ESRRG: variants seen among roughly 807,000 people sequenced by gnomAD.
ESRRG encodes estrogen-related receptor gamma.
In ESRRG, 13 loss-of-function variants were observed where a neutral mutation model predicts 44.0. The observed-to-expected ratio is 0.30, with a 90% CI of 0.19 to 0.47. ESRRG has a LOEUF of 0.47. Among genes scored for constraint, ESRRG ranks in the 20% least tolerant of loss-of-function variants. ESRRG has a pLI of 1.00. For missense variants in ESRRG, 395 were observed against 580.6 expected (o/e 0.68, Z 3.29); for synonymous variants, 215 against 214.6 (o/e 1.00, Z -0.02).
In ESRRG at chr1:216,992,338, C is replaced by T. The variant is rs538019289; in HGVS notation, c.-105-52665G>A. ...ATCAAAGTTAACACTCAAATGCAAC[C>T]TGTTCTTAAACTCTCAGAGCCTTGT... On this transcript the variant is annotated intron_variant, in intron 1 of 7. Coordinates refer to the ESRRG transcript ENST00000359162. Among the ~76,000 whole-genome samples the T allele has an allele frequency of 2.0e-5, 3 of 152,282 alleles. No individual in the cohort carries two copies. The South Asian group carries it at 6.2e-4, about 32-fold the overall frequency.
chr1:216,662,638 T>C (rs1269409545), intron 2 of ESRRG, among the ~76,000 whole-genome samples: 1 of 151,886 alleles, frequency 6.6e-6, no homozygotes, highest in Non-Finnish European at 1.5e-5. Flanking sequence ...GGGGGGTTCC[T>C]GTTTGATGAT....
chr1:216,901,551 T>C (rs61818568), intron 2 of ESRRG, among the ~76,000 whole-genome samples: 1,719 of 152,142 alleles, frequency 0.011, 13 homozygotes, highest in Non-Finnish European at 0.017. Context: ...AAAGTTTTTC[T>C]GTAGGAACAA....
intron 3 of ESRRG, among the ~76,000 whole-genome samples, chr1:216,572,571 A>G (rs4846546): frequency 0.46 from 69,503 of 151,732 alleles, 16,278 homozygotes; most frequent in African/African-American, 0.55. Context: ...TTCCAGAAAA[A>G]AAAAATTTTA....
At chr1:216,879,074 C>T (rs1196940678) in intron 2 of ESRRG, among the ~76,000 whole-genome samples, 3 of 152,166 alleles carry the variant, frequency 2.0e-5, no homozygotes, top group Non-Finnish European at 4.4e-5. Flanking sequence ...TTTTAACCAA[C>T]AATTTGGCTT....
intron 2 of ESRRG, among the ~76,000 whole-genome samples, chr1:216,804,712 C>A (rs946669527): frequency 4.6e-5 from 7 of 151,924 alleles, no homozygotes; most frequent in Admixed American, 3.3e-4. Context: ...GCAAAAGGAT[C>A]ATTCCTTTGA....
intron 1 of ESRRG, among the ~76,000 whole-genome samples, chr1:216,701,085 C>T (rs987105526): frequency 6.6e-6 from 1 of 152,054 alleles, no homozygotes; most frequent in Non-Finnish European, 1.5e-5. Flanking sequence ...TTTGTACTTT[C>T]CTTCTAGTGC....
intron 2 of ESRRG, among the ~76,000 whole-genome samples, chr1:216,756,590 T>G (rs887084650): frequency 4.6e-5 from 7 of 151,972 alleles, no homozygotes; most frequent in Non-Finnish European, 1.0e-4. Context: ...AATTGAGAGA[T>G]AGCTCATTCT....
chr1:216,867,293 T>G (rs1034664047), intron 2 of ESRRG, among the ~76,000 whole-genome samples: 1 of 152,216 alleles, frequency 6.6e-6, no homozygotes, highest in Non-Finnish European at 1.5e-5. Flanking sequence ...AGAATTCTCC[T>G]TTTGCTTTGA....
At chr1:216,675,618 G>C (rs1455463403) in intron 2 of ESRRG, among the ~76,000 whole-genome samples, 1 of 152,122 alleles carries the variant, frequency 6.6e-6, no homozygotes, top group African/African-American at 2.4e-5. Context: ...CTAGAGCAGG[G>C]GGTCTAAATT....
Position 216,503,501 on chromosome 1 carries a change from T to TTTATTATTA in ESRRG, c.*3429_*3437dup, listed in dbSNP as rs11572841. The TTTATTATTA allele has an allele frequency of 6.6e-6, 1 of 152,002 alleles. No individual in the cohort carries two copies. The highest frequency in any genetic ancestry group is 2.4e-5 in the African/African-American group (1 of 41,138). 9.4% of individuals were successfully genotyped at this position (152,002 alleles called of 1,614,324 possible). On this transcript the variant is annotated 3_prime_UTR_variant, in exon 7 of 7. Coordinates refer to ENST00000408911, the MANE Select transcript of ESRRG (RefSeq NM_001438.4). ...GCCCATCTACAGCTATAGACATGGTTTTATTATTATTATTATTATTTTTAC... is the reference window on the plus strand; with the variant it reads ...GCCCATCTACAGCTATAGACATGGTTTTATTATTATTATTATTATTATTATTATTTTTAC...
chr1:216,623,743 A>T lies in ESRRG; in HGVS notation c.589+27230T>A, dbSNP rs141668119. 8.5e-5 allele frequency among the ~76,000 whole-genome samples: 13 copies of T among 152,344 alleles called. No homozygotes were observed. The East Asian group carries it at 2.3e-3, about 27-fold the overall frequency. On this transcript the variant is annotated intron_variant, in intron 3 of 6. Transcript: ENST00000408911. Reference sequence around the variant, plus strand: ...TCTAAATGGTGTTAAAGTTAATAATAACTAAATATGAAAAATATACTGAGG... The same window carrying T: ...TCTAAATGGTGTTAAAGTTAATAATTACTAAATATGAAAAATATACTGAGG...
chr1:216,519,044 C>T (rs2045264323), intron 6 of ESRRG, 108 bp downstream of exon 6: 2 of 912,410 alleles, frequency 2.2e-6, no homozygotes, highest in African/African-American at 1.7e-5. Context: ...TTTGCTGACT[C>T]ATACAAAATT....
chr1:216,576,380 T>C (rs17612472), intron 3 of ESRRG, among the ~76,000 whole-genome samples: 4,988 of 150,126 alleles, frequency 0.033, 119 homozygotes, highest in Middle Eastern at 0.062. Context: ...CTAAAAGAGA[T>C]AAAAGCCATG....
intron 1 of ESRRG, among the ~76,000 whole-genome samples, chr1:217,030,824 A>T (rs1474178700): frequency 6.6e-6 from 1 of 152,254 alleles, no homozygotes. Flanking sequence ...AAAATATCTT[A>T]TTCATAATTT....
At chr1:216,761,283 G>A (rs1268564446) in intron 2 of ESRRG, among the ~76,000 whole-genome samples, 2 of 151,806 alleles carry the variant, frequency 1.3e-5, no homozygotes, top group African/African-American at 2.4e-5. Flanking sequence ...TCTAGAGTCA[G>A]CTCTGAGTAA....
chr1:217,069,356 A>T (rs1267179689), intron 1 of ESRRG, among the ~76,000 whole-genome samples: 2 of 151,960 alleles, frequency 1.3e-5, no homozygotes, highest in African/African-American at 4.8e-5. Context: ...ATGTGAGTTA[A>T]TACTTAGTAA....
chr1:216,689,570 T>G (rs925505477), intron 1 of ESRRG, among the ~76,000 whole-genome samples: 4 of 152,094 alleles, frequency 2.6e-5, no homozygotes, highest in African/African-American at 7.2e-5. Context: ...TCCAAAATTT[T>G]GGGATTTTTT....
intron 5 of ESRRG, among the ~76,000 whole-genome samples, chr1:216,549,169 A>G (rs993487591): frequency 2.0e-5 from 3 of 152,166 alleles, no homozygotes; most frequent in Admixed American, 6.6e-5. Context: ...GAGAAGGCAA[A>G]TAACTTTTAC....
intron 1 of ESRRG, among the ~76,000 whole-genome samples, chr1:217,133,645 C>CTCTCTCTCTCTCTCTTTCTTTCTT (rs1266397788): frequency 2.2e-5 from 2 of 91,726 alleles, no homozygotes; most frequent in Non-Finnish European, 4.5e-5. Flanking sequence ...CTCTCTCTCT[C>CTCTCTCTCTCTCTCTTTCTTTCTT]TCTTTCTTTC....
Sources: gnomAD v4.1 joint callset for allele counts (sites outside exome capture counted in the v4.1 genomes callset) on GRCh38, gnomAD v4.1.1 for gene constraint, MANE v1.5 for transcripts, NCBI Gene and HGNC (gene_info 2026-07-23, HGNC 2026-07-21) for gene names.